Variants in GALNT13 observed in about 807,000 individuals in gnomAD.
GALNT13 encodes UDP-GalNAc:polypeptide N-acetylgalactosaminyltransferase 13.
GALNT13 carries 28 observed loss-of-function variants against 64.2 expected under a neutral mutation model. The observed-to-expected ratio is 0.44, with a 90% CI of 0.32 to 0.60. GALNT13 has a LOEUF of 0.60. Among genes scored for constraint, GALNT13 ranks in the 20% least tolerant of loss-of-function variants. The probability of loss-of-function intolerance (pLI) is 0.05; values close to 1 mark genes in which losing one functional copy is unlikely to be tolerated. For missense variants in GALNT13, 577 were observed against 669.8 expected (o/e 0.86, Z 1.53); for synonymous variants, 214 against 224.6 (o/e 0.95, Z 0.42).
the GALNT13 span, among the ~76,000 whole-genome samples, chr2:153,847,436 C>T: frequency 6.6e-6 from 1 of 151,682 alleles, no homozygotes; most frequent in Non-Finnish European, 1.5e-5. Flanking sequence ...TAATATTTCA[C>T]CCTAAGGTAA....
chr2:154,286,733 T>C, intron 8 of GALNT13: 6 of 318,902 alleles, frequency 1.9e-5, no homozygotes, highest in South Asian at 1.7e-4. Flanking sequence ...ATACAGGACA[T>C]TGTGGTACAG....
intron 3 of GALNT13, among the ~76,000 whole-genome samples, chr2:154,072,923 A>G (rs533480556): frequency 2.0e-3 from 304 of 152,088 alleles, no homozygotes; most frequent in Non-Finnish European, 3.2e-3. Flanking sequence ...CATTTTCATG[A>G]CTTCAGGATA....
intron 8 of GALNT13, among the ~76,000 whole-genome samples, chr2:154,297,025 A>ATG (rs1692964776): frequency 6.6e-6 from 1 of 152,162 alleles, no homozygotes; most frequent in Non-Finnish European, 1.5e-5. Flanking sequence ...GTGAAAAGGT[A>ATG]TGTGGTATGT....
At chr2:154,020,844 T>G (rs1177711043) in intron 3 of GALNT13, among the ~76,000 whole-genome samples, 2 of 152,186 alleles carry the variant, frequency 1.3e-5, no homozygotes, top group Non-Finnish European at 2.9e-5. Context: ...GTCTAACATT[T>G]AAGTCTTTAA....
intron 9 of GALNT13, among the ~76,000 whole-genome samples, chr2:154,323,570 G>A (rs910978357): frequency 2.0e-5 from 3 of 152,042 alleles, no homozygotes; most frequent in Admixed American, 1.3e-4. Flanking sequence ...ATTGAGTTAT[G>A]TATCTTACTA....
chr2:153,443,225 GA>G, the GALNT13 span, among the ~76,000 whole-genome samples: 1 of 152,184 alleles, frequency 6.6e-6, no homozygotes, highest in South Asian at 2.1e-4. Context: ...AACACTGTGG[GA>G]AAAGTGGAGT....
intron 3 of GALNT13, among the ~76,000 whole-genome samples, chr2:154,091,297 A>G (rs1238858682): frequency 6.6e-6 from 1 of 151,914 alleles, no homozygotes; most frequent in Non-Finnish European, 1.5e-5. Flanking sequence ...AGGAAATTTT[A>G]TTTATATTTA....
At chr2:153,322,821 C>G in the GALNT13 span, among the ~76,000 whole-genome samples, 2 of 152,186 alleles carry the variant, frequency 1.3e-5, no homozygotes, top group African/African-American at 4.8e-5. Flanking sequence ...CTGCAAAGGA[C>G]ATGAACTCCT....
chr2:154,298,031 G>T (rs913263386), intron 8 of GALNT13, among the ~76,000 whole-genome samples: 21 of 152,228 alleles, frequency 1.4e-4, no homozygotes, highest in African/African-American at 4.8e-4. Context: ...CAGAAAAGAG[G>T]TCTGGGCTGA....
chr2:153,532,345 G>A, the GALNT13 span, among the ~76,000 whole-genome samples: 1 of 152,200 alleles, frequency 6.6e-6, no homozygotes, highest in Non-Finnish European at 1.5e-5. Context: ...GCTAGAGCTG[G>A]TCCATCTGGG....
chr2:153,289,041 T>C, the GALNT13 span, among the ~76,000 whole-genome samples: 437 of 152,364 alleles, frequency 2.9e-3, 3 homozygotes, highest in African/African-American at 1.0e-2. Flanking sequence ...TTGCGTCCCA[T>C]GACTTGTAGT....
At chr2:154,184,497 T>G (rs1187729769) in intron 4 of GALNT13, among the ~76,000 whole-genome samples, 1 of 152,218 alleles carries the variant, frequency 6.6e-6, no homozygotes, top group African/African-American at 2.4e-5. Flanking sequence ...TTTGTGATTT[T>G]TTTCTTTTCA....
At chr2:154,027,442 A>G (rs1698050358) in intron 3 of GALNT13, among the ~76,000 whole-genome samples, 5 of 152,186 alleles carry the variant, frequency 3.3e-5, no homozygotes, top group Admixed American at 3.3e-4. Context: ...GCATGAGATT[A>G]GCAGGGCAAA....
the GALNT13 span, among the ~76,000 whole-genome samples, chr2:153,705,644 G>T: frequency 6.6e-6 from 1 of 152,162 alleles, no homozygotes; most frequent in Non-Finnish European, 1.5e-5. Context: ...GGAAAAGTTA[G>T]GCACACAAGA....
chr2:153,673,174 T>C, the GALNT13 span, among the ~76,000 whole-genome samples: 2 of 152,062 alleles, frequency 1.3e-5, no homozygotes, highest in East Asian at 3.9e-4. Context: ...TTCCAATGAA[T>C]AGAAAAAGAG....
At chr2:154,413,235 T>C (rs941594838) in intron 11 of GALNT13, among the ~76,000 whole-genome samples, 5 of 151,850 alleles carry the variant, frequency 3.3e-5, no homozygotes, top group African/African-American at 9.7e-5. Context: ...TCATTTCCTT[T>C]CCTTTCACAG....
At chr2:153,261,606 A>G in the GALNT13 span, among the ~76,000 whole-genome samples, 2 of 152,126 alleles carry the variant, frequency 1.3e-5, no homozygotes, top group African/African-American at 2.4e-5. Flanking sequence ...GGCCACCACT[A>G]CTTGGACTAT....
At chr2:153,484,436 A>G in the GALNT13 span, among the ~76,000 whole-genome samples, 1 of 152,188 alleles carries the variant, frequency 6.6e-6, no homozygotes, top group African/African-American at 2.4e-5. Flanking sequence ...ATTTTTCCTT[A>G]TAATGTTTCC....
chr2:154,378,385 G>A (rs889863098), intron 9 of GALNT13, among the ~76,000 whole-genome samples: 22 of 152,066 alleles, frequency 1.4e-4, no homozygotes, highest in African/African-American at 4.8e-4. Context: ...TTTAAGTTAG[G>A]GAGAAGGACT....
Sources: gnomAD v4.1 joint callset for allele counts (sites outside exome capture counted in the v4.1 genomes callset) on GRCh38, gnomAD v4.1.1 for gene constraint, MANE v1.5 for transcripts, NCBI Gene and HGNC (gene_info 2026-07-23, HGNC 2026-07-21) for gene names.